The following NIPBL variants were observed in gnomAD, a reference collection of about 807,000 sequenced individuals.
NIPBL encodes the protein nipped-B-like protein.
In NIPBL, 19 loss-of-function variants were observed where a neutral mutation model predicts 321.8. The ratio of observed to expected loss-of-function variants is 0.06; its 90% CI spans 0.04 to 0.09. NIPBL has a LOEUF of 0.09. Among genes scored for constraint, NIPBL ranks in the 10% least tolerant of loss-of-function variants. The pLI is 1.00. For missense variants in NIPBL, 2,210 were observed against 3,327.0 expected (o/e 0.66, Z 8.26); for synonymous variants, 1,106 against 1,114.1 (o/e 0.99, Z 0.14).
intron 2 of NIPBL, among the ~76,000 whole-genome samples, chr5:36,954,340 A>G (rs1740710896): frequency 6.6e-6 from 1 of 152,184 alleles, no homozygotes; most frequent in South Asian, 2.1e-4. Flanking sequence ...TCCTCCAAAT[A>G]CAACTTTTCT....
At chr5:36,964,660 A>G (rs529317377) in intron 6 of NIPBL, among the ~76,000 whole-genome samples, 4 of 152,282 alleles carry the variant, frequency 2.6e-5, no homozygotes, top group South Asian at 4.1e-4. Flanking sequence ...TAGGCAACCA[A>G]AGGAAGAAAT....
intron 10 of NIPBL, among the ~76,000 whole-genome samples, chr5:36,990,270 C>T (rs1745345364): frequency 6.6e-6 from 1 of 152,308 alleles, no homozygotes; most frequent in East Asian, 1.9e-4. Context: ...CAGTTATCTA[C>T]TGTTACAGTT....
intron 1 of NIPBL, among the ~76,000 whole-genome samples, chr5:36,892,615 AG>A (rs1427785745): frequency 6.6e-6 from 1 of 152,220 alleles, no homozygotes; most frequent in Non-Finnish European, 1.5e-5. Flanking sequence ...GCCATAAAAA[AG>A]GATGAGTTCA....
chr5:37,049,346 T>C, intron 40 of NIPBL, 45 bp downstream of exon 40: 1 of 1,579,554 alleles, frequency 6.3e-7, no homozygotes, highest in East Asian at 2.2e-5. Flanking sequence ...AGAGCAAGAT[T>C]AGTTGTAATT....
In NIPBL at chr5:36,961,581, C is replaced by T. The variant is rs577987003; in HGVS notation, c.456C>T (p.Ser152=). Residue 152 remains serine (S), a splice_region_variant and synonymous_variant, in exon 5 of 47, where the codon TCC becomes TCT. Coordinates refer to ENST00000282516, the MANE Select transcript of NIPBL (RefSeq NM_133433.4). Reference sequence around the variant, plus strand: ...AAACCACTATCTCACATAGCCCCTCCAGGTAATATATGTATATATCGTTTA... The same window carrying T: ...AAACCACTATCTCACATAGCCCCTCTAGGTAATATATGTATATATCGTTTA... The part of the protein sequence containing the change: ...YQQTTISHSP[S]SRFVPPQTSS... The T allele has an allele frequency of 9.8e-6, 15 of 1,529,206 alleles. 1 individual carries two copies. The South Asian group carries it at 1.5e-4, about 15-fold the overall frequency. 94.7% of individuals were successfully genotyped at this position (1,529,206 alleles called of 1,614,324 possible).
At chr5:36,971,108 CA>C in intron 7 of NIPBL, 72 bp downstream of exon 7, 1 of 1,305,044 alleles carries the variant, frequency 7.7e-7, no homozygotes, top group South Asian at 1.2e-5. Context: ...ATTTCCATTT[CA>C]AAATTTGAAT....
At chr5:36,877,239 G>C (rs1418456107) in intron 1 of NIPBL, 61 bp downstream of exon 1, 3 of 179,170 alleles carry the variant, frequency 1.7e-5, no homozygotes, top group Admixed American at 1.3e-4. Flanking sequence ...GGTCCTCAGC[G>C]TCTCTCCTCC....
At chr5:37,060,357 T>G (rs565120184) in intron 44 of NIPBL, among the ~76,000 whole-genome samples, 1 of 152,256 alleles carries the variant, frequency 6.6e-6, no homozygotes, top group African/African-American at 2.4e-5. Context: ...AGAGATGATG[T>G]CTAGTTGTGT....
At position 37,065,063 on chromosome 5, in the gene NIPBL, G is replaced by A; in HGVS notation, c.*171G>A. ...AAACATTTTTGTGGGAGCTCCCTTC[G>A]CTGTTGTGCAGCAGAAACAGATTCT... On this transcript the variant is annotated 3_prime_UTR_variant, in exon 47 of 47. Transcript: ENST00000282516. The A allele has an allele frequency of 1.4e-6, 1 of 709,750 alleles. No homozygotes were observed. Among genetic ancestry groups the A allele is most frequent in the Non-Finnish European group, 2.4e-6 (1 of 424,116 alleles). The allele number at this position is 709,750 out of a possible 1,614,324, so 44.0% of individuals were successfully genotyped here.
At chr5:36,887,369 A>G (rs1479374508) in intron 1 of NIPBL, among the ~76,000 whole-genome samples, 1 of 152,126 alleles carries the variant, frequency 6.6e-6, no homozygotes, top group Non-Finnish European at 1.5e-5. Flanking sequence ...AGTTGGTGCT[A>G]AAAAAAGAGC....
In NIPBL at chr5:36,915,659, C is replaced by A. The variant is rs570651716; in HGVS notation, c.-79-37959C>A. On this transcript the variant is annotated intron_variant, in intron 1 of 46. Transcript: ENST00000282516. ...TGTTTAAAGCTTTACATGTTTGAAG[C>A]AGGTTTATTAGCTTAGTAGTTTTAA... is the stretch of plus-strand genomic sequence containing the variant. Among the ~76,000 whole-genome samples, 18 of 152,202 alleles carry A rather than the reference C, an allele frequency of 1.2e-4. No homozygotes were observed. The East Asian group carries it at 1.7e-3, about 15-fold the overall frequency.
intron 1 of NIPBL, among the ~76,000 whole-genome samples, chr5:36,884,876 A>C (rs1745773269): frequency 1.3e-5 from 2 of 152,160 alleles, no homozygotes; most frequent in Non-Finnish European, 2.9e-5. Context: ...CTAACAATAC[A>C]TACATAACTT....
intron 33 of NIPBL, among the ~76,000 whole-genome samples, chr5:37,037,418 T>G (rs463324): frequency 1.4e-5 from 2 of 147,376 alleles, no homozygotes; most frequent in African/African-American, 4.9e-5. Context: ...TGTATATATA[T>G]ATATATATGT....
intron 11 of NIPBL, 25 bp downstream of exon 11, chr5:36,995,829 A>T (rs1315501199): frequency 1.3e-6 from 2 of 1,593,294 alleles, no homozygotes; most frequent in South Asian, 2.2e-5. Flanking sequence ...ACTCTTTGTT[A>T]TTATTTTAGA....
intron 1 of NIPBL, chr5:36,886,439 G>T: frequency 1.3e-6 from 1 of 743,688 alleles, no homozygotes; most frequent in East Asian, 2.5e-5. Flanking sequence ...ACCACCCGCT[G>T]GATAGTGGAT....
chr5:37,026,184 C>G (rs996741520), intron 30 of NIPBL, 45 bp from the exon 31 acceptor site: 2 of 1,116,570 alleles, frequency 1.8e-6, no homozygotes, highest in Non-Finnish European at 2.7e-6. Context: ...GTGAAATTGC[C>G]GTATTTGTTA....
intron 45 of NIPBL, among the ~76,000 whole-genome samples, chr5:37,062,711 G>A (rs192028326): frequency 1.3e-5 from 2 of 152,266 alleles, no homozygotes; most frequent in African/African-American, 4.8e-5. Flanking sequence ...CTTGAGTCCA[G>A]GAAGTCCAGG....
intron 1 of NIPBL, among the ~76,000 whole-genome samples, chr5:36,940,360 C>G (rs1044042935): frequency 6.6e-6 from 1 of 152,066 alleles, no homozygotes; most frequent in Non-Finnish European, 1.5e-5. Context: ...AAATTGAGAG[C>G]CCCTTCAGCT....
chr5:37,052,084 C>A (rs752164275), intron 41 of NIPBL, among the ~76,000 whole-genome samples, 198 bp downstream of exon 41: 1 of 152,014 alleles, frequency 6.6e-6, no homozygotes, highest in African/African-American at 2.4e-5. Context: ...GGTGACAGTA[C>A]CAAGCACACC....
Sources: allele counts gnomAD v4.1 joint callset (sites outside exome capture counted in the v4.1 genomes callset), GRCh38; gene constraint gnomAD v4.1.1; transcripts MANE v1.5; gene names NCBI Gene and HGNC (gene_info 2026-07-23, HGNC 2026-07-21).